TBC1D5: variants seen among roughly 807,000 people sequenced by gnomAD.
TBC1D5 encodes the protein TBC1 domain family, member 5.
In TBC1D5, 75 loss-of-function variants were observed where a neutral mutation model predicts 100.3. The ratio of observed to expected loss-of-function variants is 0.75; its 90% CI spans 0.62 to 0.91. The LOEUF is 0.91. TBC1D5 is among the 40% of genes least tolerant of loss of function. The probability of loss-of-function intolerance (pLI) is 0.00; values close to 1 mark genes in which losing one functional copy is unlikely to be tolerated. For synonymous variants in TBC1D5, 323 were observed against 325.6 expected (o/e 0.99, Z 0.09); for missense variants, 910 against 942.4 (o/e 0.97, Z 0.45).
At chr3:17,322,708 G>T (rs994986440) in intron 13 of TBC1D5, among the ~76,000 whole-genome samples, 2 of 152,188 alleles carry the variant, frequency 1.3e-5, no homozygotes, top group African/African-American at 4.8e-5. Context: ...TGCACAAGGG[G>T]TGTCCTTAAG....
intron 2 of TBC1D5, among the ~76,000 whole-genome samples, chr3:17,616,811 C>T (rs1448271636): frequency 6.6e-6 from 1 of 152,168 alleles, no homozygotes; most frequent in Non-Finnish European, 1.5e-5. Flanking sequence ...CTCCTGAATA[C>T]AGCACAGTGA....
At chr3:17,682,599 C>T (rs948885242) in intron 1 of TBC1D5, among the ~76,000 whole-genome samples, 1 of 151,052 alleles carries the variant, frequency 6.6e-6, no homozygotes, top group Non-Finnish European at 1.5e-5. Flanking sequence ...TTAGAAATTA[C>T]TCAATGGAAG....
intron 3 of TBC1D5, among the ~76,000 whole-genome samples, chr3:17,469,506 CA>C (rs1354868401): frequency 1.2e-4 from 16 of 138,972 alleles, no homozygotes; most frequent in Non-Finnish European, 1.6e-5. Flanking sequence ...GTGACATGCA[CA>C]AGAAAAAAAA....
chr3:17,318,761 C>G (rs1172345241), intron 13 of TBC1D5, among the ~76,000 whole-genome samples: 1 of 152,152 alleles, frequency 6.6e-6, no homozygotes, highest in Non-Finnish European at 1.5e-5. Context: ...TCCACATTAA[C>G]ATGGAGAATC....
intron 1 of TBC1D5, among the ~76,000 whole-genome samples, chr3:17,639,708 A>G (rs1193350776): frequency 6.6e-6 from 1 of 152,132 alleles, no homozygotes; most frequent in Non-Finnish European, 1.5e-5. Flanking sequence ...GAAGGTCACT[A>G]AACTGCTAGA....
intron 2 of TBC1D5, among the ~76,000 whole-genome samples, chr3:17,579,809 A>G (rs1390954373): frequency 6.6e-6 from 1 of 152,106 alleles, no homozygotes; most frequent in Non-Finnish European, 1.5e-5. Context: ...AGAGGGAACT[A>G]CTGTTATCAC....
chr3:17,486,118 C>G (rs1356641356), intron 3 of TBC1D5, among the ~76,000 whole-genome samples: 3 of 151,916 alleles, frequency 2.0e-5, no homozygotes, highest in Non-Finnish European at 4.4e-5. Context: ...TTTCATGTGT[C>G]TTTTGGCTGC....
chr3:17,251,434 C>CT lies in TBC1D5; in HGVS notation c.1331+7071_1331+7072insA, dbSNP rs201785106. 7.6e-5 allele frequency among the ~76,000 whole-genome samples: 11 copies of CT among 145,424 alleles called. 1 individual carries two copies. The South Asian group carries it at 1.8e-3, about 23-fold the overall frequency. On this transcript the variant is annotated intron_variant, in intron 16 of 21. Transcript: ENST00000253692. ...ATATATACTCACGGGAACCCCCCCC[C>CT]CCCCAGTAGAAGCGATTAGAAGTGG...
chr3:17,687,534 T>A (rs2070484253), intron 1 of TBC1D5, among the ~76,000 whole-genome samples: 1 of 152,072 alleles, frequency 6.6e-6, no homozygotes, highest in Non-Finnish European at 1.5e-5. Context: ...ACAAATTTAT[T>A]TCTCCCATGT....
At chr3:17,718,452 G>A (rs1577759226) in intron 1 of TBC1D5, among the ~76,000 whole-genome samples, 1 of 151,980 alleles carries the variant, frequency 6.6e-6, no homozygotes, top group East Asian at 1.9e-4. Flanking sequence ...AAAAAAATTA[G>A]CAGGCATGGT....
intron 2 of TBC1D5, among the ~76,000 whole-genome samples, chr3:17,557,903 G>A (rs2096532566): frequency 6.6e-6 from 1 of 152,062 alleles, no homozygotes; most frequent in African/African-American, 2.4e-5. Flanking sequence ...GAATTTCTGG[G>A]AATGAGTCAA....
intron 2 of TBC1D5, among the ~76,000 whole-genome samples, chr3:17,568,868 T>C (rs921718851): frequency 6.6e-6 from 1 of 151,758 alleles, no homozygotes; most frequent in Non-Finnish European, 1.5e-5. Flanking sequence ...GCATTTGGTA[T>C]TCCTAATAAA....
In TBC1D5 at chr3:17,621,736, G is replaced by A. The variant is rs950454744; in HGVS notation, c.-36+2113C>T. Reference sequence around the variant, plus strand: ...TTTTTTTTTTTAAACAAATCCACAAGGAAAATTCTATGTTCTGGATTCTAG... The same window carrying A: ...TTTTTTTTTTTAAACAAATCCACAAAGAAAATTCTATGTTCTGGATTCTAG... On this transcript the variant is annotated intron_variant, in intron 2 of 21. Transcript: ENST00000253692. Among the ~76,000 whole-genome samples, 25 of 151,450 alleles carry A rather than the reference G, an allele frequency of 1.7e-4. 1 individual carries two copies. The highest frequency in any genetic ancestry group is 1.5e-3 in the Admixed American group (23 of 15,208).
chr3:17,576,376 T>A (rs564542754), intron 2 of TBC1D5: 1 of 152,072 alleles, frequency 6.6e-6, no homozygotes, highest in Non-Finnish European at 1.5e-5. Flanking sequence ...AGGTCTTAAT[T>A]CAGTTATAAC....
intron 8 of TBC1D5, among the ~76,000 whole-genome samples, chr3:17,386,749 G>A (rs1029792006): frequency 3.3e-5 from 5 of 152,098 alleles, no homozygotes; most frequent in African/African-American, 9.7e-5. Context: ...ACTCTGACTC[G>A]GAAGGCTGCC....
chr3:17,358,263 C>T (rs181960198), intron 13 of TBC1D5, among the ~76,000 whole-genome samples: 3 of 152,262 alleles, frequency 2.0e-5, no homozygotes, highest in Admixed American at 6.5e-5. Flanking sequence ...CGGCTCACCA[C>T]AACCTCTGCC....
At chr3:17,176,230 TG>T (rs1455167221) in intron 19 of TBC1D5, among the ~76,000 whole-genome samples, 2 of 152,176 alleles carry the variant, frequency 1.3e-5, no homozygotes, top group East Asian at 3.8e-4. Context: ...GCAGACTTAG[TG>T]GGAGATTAGA....
At chr3:17,572,013 A>C (rs902239523) in intron 2 of TBC1D5, among the ~76,000 whole-genome samples, 1 of 152,026 alleles carries the variant, frequency 6.6e-6, no homozygotes, top group Non-Finnish European at 1.5e-5. Flanking sequence ...TGCTCTGCCT[A>C]CTGCATTATG....
intron 13 of TBC1D5, among the ~76,000 whole-genome samples, chr3:17,312,156 A>T (rs560749541): frequency 6.6e-6 from 1 of 152,222 alleles, no homozygotes; most frequent in South Asian, 2.1e-4. Context: ...ACAGTCTTAA[A>T]ATTGCAAGTA....
Sources: gnomAD v4.1 joint callset for allele counts (sites outside exome capture counted in the v4.1 genomes callset) on GRCh38, gnomAD v4.1.1 for gene constraint, MANE v1.5 for transcripts, NCBI Gene and HGNC (gene_info 2026-07-23, HGNC 2026-07-21) for gene names.